The following ZNF175 variants were observed in gnomAD, a reference collection of about 807,000 sequenced individuals.
ZNF175 encodes the protein zinc finger protein OTK18.
In ZNF175, 8 loss-of-function variants were observed where a neutral mutation model predicts 14.0. The observed-to-expected ratio is 0.57, with a 90% confidence interval of 0.34 to 1.03. The LOEUF is 1.03. ZNF175 is among the 50% of genes least tolerant of loss of function. ZNF175 has a pLI of 0.03. For missense variants in ZNF175, 764 were observed against 849.5 expected (o/e 0.90, Z 1.25); for synonymous variants, 255 against 296.8 (o/e 0.86, Z 1.45).
rs1276887446 is a variant in ZNF175 at position 51,592,334 on chromosome 19, GAAT to G, written c.*3875_*3877del. The G allele has an allele frequency of 6.4e-6, 2 of 312,558 alleles. No homozygotes were observed. Among genetic ancestry groups the G allele is most frequent in the African/African-American group, 2.2e-5 (1 of 45,958 alleles). The allele number at this position is 312,558 out of a possible 1,614,324, so 19.4% of individuals were successfully genotyped here. ...CTTAATTTCTCCAGCAGCACAATGG[GAAT>G]AATAATAGATCTCGCCTTGTGGCTC... On this transcript the variant is annotated 3_prime_UTR_variant, in exon 5 of 5. Transcript: ENST00000262259.
chr19:51,580,716 A>G (rs932038873), intron 2 of ZNF175, among the ~76,000 whole-genome samples: 1 of 152,194 alleles, frequency 6.6e-6, no homozygotes, highest in Non-Finnish European at 1.5e-5. Context: ...AACATGACAT[A>G]GTCGCCTCTT....
intron 4 of ZNF175, 69 bp downstream of exon 4, chr19:51,581,951 T>G: frequency 7.0e-7 from 1 of 1,431,776 alleles, no homozygotes; most frequent in South Asian, 1.2e-5. Flanking sequence ...ACCATACTTT[T>G]CTATTCCCTC....
chr19:51,588,709 A>G lies in ZNF175; in HGVS notation c.*242A>G. 2.2e-6 allele frequency: 1 copy of G among 447,336 alleles called. No homozygotes were observed. 27.7% of individuals were successfully genotyped at this position (447,336 alleles called of 1,614,324 possible). A position where few individuals can be genotyped will look rare whatever the true frequency, so the allele number is the denominator to read the frequency against. The stretch of plus-strand genomic sequence containing the variant: ...GAGTACTGGCCTCATTAAGGATTAT[A>G]AATTTTCTCCCCGGGAAGAAACCCT... On this transcript the variant is annotated 3_prime_UTR_variant, in exon 5 of 5. Transcript: ENST00000262259.
chr19:51,572,557 A>G (rs942090758), intron 1 of ZNF175, among the ~76,000 whole-genome samples: 3 of 152,312 alleles, frequency 2.0e-5, no homozygotes, highest in South Asian at 2.1e-4. Flanking sequence ...CCTGAGTTCT[A>G]TGAAGGCAAC....
chr19:51,589,707 GT>G lies in ZNF175; in HGVS notation c.*1244del. ...CTCCCAACTGTTTTTTTAAAATAAA[GT>G]TTTATTGGAACACAGCCATGTTCAT... On this transcript the variant is annotated 3_prime_UTR_variant, in exon 5 of 5. Transcript: ENST00000262259. The G allele has an allele frequency of 1.6e-6, 1 of 640,570 alleles. No individual in the cohort carries two copies. Among genetic ancestry groups the G allele is most frequent in the Non-Finnish European group, 2.8e-6 (1 of 358,488 alleles). 39.7% of individuals were successfully genotyped at this position (640,570 alleles called of 1,614,324 possible). A position where few individuals can be genotyped will look rare whatever the true frequency, so the allele number is the denominator to read the frequency against.
In ZNF175 at chr19:51,587,791, A is replaced by G. The variant is rs1408245852; in HGVS notation, c.1460A>G (p.Lys487Arg). 5 of 1,614,186 alleles carry G rather than the reference A, an allele frequency of 3.1e-6. No homozygotes were observed. In the Admixed American group the frequency reaches 6.7e-5, roughly 22 times the overall value. The stretch of plus-strand genomic sequence containing the variant: ...AACTGTGGGAAATCCTTCATTTCCA[A>G]GTCACAGCTTGATATACATCATCGA... ...CHNCGKSFIS[K>R]SQLDIHHRIH... Residue 487 changes from lysine to arginine, a missense_variant, in exon 5 of 5, where the codon AAG becomes AGG. Coordinates refer to ENST00000262259, the MANE Select transcript of ZNF175 (RefSeq NM_007147.4).
At chr19:51,578,626 G>C (rs1418064344) in intron 2 of ZNF175, among the ~76,000 whole-genome samples, 2 of 152,142 alleles carry the variant, frequency 1.3e-5, no homozygotes, top group Non-Finnish European at 2.9e-5. Flanking sequence ...AAATTAGCTA[G>C]GTGTGGTGGT....
chr19:51,587,224 A>G lies in ZNF175; in HGVS notation c.893A>G (p.Gln298Arg). Residue 298 changes from glutamine (Q) to arginine (R), a missense_variant, in exon 5 of 5, where the codon CAG (glutamine) becomes CGG (arginine). Physicochemically the swap from Gln to Arg is conservative, Grantham distance 43. Coordinates refer to ENST00000262259, the MANE Select transcript of ZNF175 (RefSeq NM_007147.4). ...FTQKSHLFAQQRIHSVGNLHE... is the reference protein window; with the variant it reads ...FTQKSHLFAQRRIHSVGNLHE... Reference sequence around the variant, plus strand: ...CAGAAGTCACACCTCTTTGCCCAACAGAGAATTCATAGTGTAGGAAACCTC... The same window carrying G: ...CAGAAGTCACACCTCTTTGCCCAACGGAGAATTCATAGTGTAGGAAACCTC... The G allele has an allele frequency of 1.2e-6, 2 of 1,614,242 alleles. No homozygotes were observed. Among genetic ancestry groups the G allele is most frequent in the Non-Finnish European group, 1.7e-6 (2 of 1,180,032 alleles).
chr19:51,583,075 G>A (rs147509466), intron 4 of ZNF175, among the ~76,000 whole-genome samples: 2,626 of 151,964 alleles, frequency 0.017, 32 homozygotes, highest in Non-Finnish European at 0.029. Context: ...GGCTGGTCTC[G>A]AACTCCCGAC....
In ZNF175 at chr19:51,584,277, C is replaced by T. The variant is rs371425104; in HGVS notation, c.296-2350C>T. The stretch of plus-strand genomic sequence containing the variant: ...GGGAATTAATTTTAAGGGCATAGTA[C>T]CTATAACTGGTTCAAGAAGCCATTT... On this transcript the variant is annotated intron_variant, in intron 4 of 4. Transcript: ENST00000262259. 5.4e-4 allele frequency among the ~76,000 whole-genome samples: 82 copies of T among 152,242 alleles called. 1 individual carries two copies. In the South Asian group the frequency reaches 0.017, roughly 31 times the overall value.
intron 2 of ZNF175, among the ~76,000 whole-genome samples, chr19:51,576,393 G>A (rs1290325170): frequency 2.0e-5 from 3 of 152,136 alleles, no homozygotes; most frequent in East Asian, 1.9e-4. Context: ...CAGGTGATCC[G>A]CCAGCCTCGG....
rs754347512 is a variant in ZNF175 at position 51,588,042 on chromosome 19, A to C, written c.1711A>C (p.Lys571Gln). ...TGAATGTGGGAAAGCCTTCACTTCT[A>C]AGTCTCAATTCAAAGAGCATCAGCG... Reference protein sequence around the residue: ...CSECGKAFTSKSQFKEHQRIH... With the variant: ...CSECGKAFTSQSQFKEHQRIH... Residue 571 changes from lysine to glutamine, a missense_variant, in exon 5 of 5, where the codon AAG becomes CAG. Lys to Gln is a moderately conservative substitution (Grantham distance 53, BLOSUM62 1). Coordinates refer to ENST00000262259, the MANE Select transcript of ZNF175 (RefSeq NM_007147.4). 6.2e-7 allele frequency: 1 copy of C among 1,614,076 alleles called. No individual in the cohort carries two copies. Among genetic ancestry groups the C allele is most frequent in the African/African-American group, 1.3e-5 (1 of 74,952 alleles).
In ZNF175 at chr19:51,573,473, TC is replaced by T. The variant is rs779891873; in HGVS notation, c.72+75del. 4.1e-6 allele frequency: 6 copies of T among 1,461,672 alleles called. No homozygotes were observed. The Admixed American group carries it at 1.2e-4, about 28-fold the overall frequency. The allele number at this position is 1,461,672 out of a possible 1,614,324, so 90.5% of individuals were successfully genotyped here. On this transcript the variant is annotated intron_variant, in intron 2 of 4. Coordinates refer to ENST00000262259, the MANE Select transcript of ZNF175 (RefSeq NM_007147.4). Reference sequence around the variant, plus strand: ...GACACAGGATGCAGCAGGTCTGGGCTCCCTGCTCCTGAGTCAGTCTTGAGCC... The same window carrying T: ...GACACAGGATGCAGCAGGTCTGGGCTCCTGCTCCTGAGTCAGTCTTGAGCC...
rs748364337 is a variant in ZNF175, at chr19:51,581,471, G to GT, written c.154dup (p.Tyr52LeufsTer10). 2 of 1,614,044 alleles carry GT rather than the reference G, an allele frequency of 1.2e-6. No individual in the cohort carries two copies. The highest frequency in any genetic ancestry group is 2.7e-5 in the African/African-American group (2 of 74,918). On this transcript the variant is annotated frameshift_variant, in exon 3 of 5. Coordinates refer to ENST00000262259, the MANE Select transcript of ZNF175 (RefSeq NM_007147.4). LOFTEE classifies it high-confidence loss of function. ...AACTGGACCCTGCCCAGAGATGCCT[G>GT]TACCGGGATGTGATGCTGGAGCTCT...
chr19:51,577,663 CTTTTT>C (rs35533410), intron 2 of ZNF175, among the ~76,000 whole-genome samples: 1 of 127,254 alleles, frequency 7.9e-6, no homozygotes, highest in Admixed American at 8.2e-5. Flanking sequence ...CTTTCTCTCT[CTTTTT>C]TTTTTTTTTT....
Position 51,589,273 on chromosome 19 carries a change from T to C in ZNF175, c.*806T>C. ...GTCAGCATATGTGTATGTATGCGTA[T>C]GTATGTATGTATGTATGCCCTCAGT... On this transcript the variant is annotated 3_prime_UTR_variant, in exon 5 of 5. Coordinates refer to ENST00000262259, the MANE Select transcript of ZNF175 (RefSeq NM_007147.4). 2.5e-6 allele frequency: 1 copy of C among 394,730 alleles called. No individual in the cohort carries two copies. Among genetic ancestry groups the C allele is most frequent in the Non-Finnish European group, 4.7e-6 (1 of 212,304 alleles). 24.5% of individuals were successfully genotyped at this position (394,730 alleles called of 1,614,324 possible).
chr19:51,592,419 C>CGT lies in ZNF175; in HGVS notation c.*3952_*3953insGT. ...GTCAAGCATTAGAATGGTGGCTGTC[C>CGT]ACCATGAGTACAACACAAATGCTCG... On this transcript the variant is annotated 3_prime_UTR_variant, in exon 5 of 5. Coordinates refer to ENST00000262259, the MANE Select transcript of ZNF175 (RefSeq NM_007147.4). 1.9e-5 allele frequency: 9 copies of CGT among 482,432 alleles called. No individual in the cohort carries two copies. Among genetic ancestry groups the CGT allele is most frequent in the South Asian group, 8.0e-5 (2 of 24,964 alleles). 29.9% of individuals were successfully genotyped at this position (482,432 alleles called of 1,614,324 possible).
intron 4 of ZNF175, among the ~76,000 whole-genome samples, chr19:51,584,129 C>T (rs1166756783): frequency 6.6e-6 from 1 of 152,126 alleles, no homozygotes; most frequent in Non-Finnish European, 1.5e-5. Flanking sequence ...AGCCTTTGTG[C>T]ATCAATCATG....
rs1302718706 is a variant in ZNF175, at chr19:51,571,298, G to A, written c.-358G>A. The A allele has an allele frequency of 1.3e-5, 2 of 152,064 alleles. No homozygotes were observed. Among genetic ancestry groups the A allele is most frequent in the Non-Finnish European group, 2.9e-5 (2 of 68,038 alleles). The allele number at this position is 152,064 out of a possible 1,614,324, so 9.4% of individuals were successfully genotyped here. On this transcript the variant is annotated 5_prime_UTR_variant, in exon 1 of 5. Coordinates refer to ENST00000262259, the MANE Select transcript of ZNF175 (RefSeq NM_007147.4). ...GGCCTAGAGCGACCATTTAGCTTCTGTTGTTAAGTGGATCTAAGCCTATGT... is the reference window on the plus strand; with the variant it reads ...GGCCTAGAGCGACCATTTAGCTTCTATTGTTAAGTGGATCTAAGCCTATGT...
Sources: gnomAD v4.1 joint callset for allele counts (sites outside exome capture counted in the v4.1 genomes callset) on GRCh38, gnomAD v4.1.1 for gene constraint, MANE v1.5 for transcripts, NCBI Gene and HGNC (gene_info 2026-07-23, HGNC 2026-07-21) for gene names.